Variants in LIMD1 observed in about 807,000 individuals in gnomAD.
LIMD1 encodes LIM domain-containing protein 1.
Under a neutral mutation model 58.4 loss-of-function variants are expected in LIMD1, and 23 were observed. The observed-to-expected ratio is 0.39, with a 90% CI of 0.28 to 0.56. The LOEUF is 0.56. Among genes scored for constraint, LIMD1 ranks in the 20% least tolerant of loss-of-function variants. LIMD1 has a pLI of 0.57. For synonymous variants in LIMD1, 334 were observed against 345.5 expected, an observed-to-expected ratio of 0.97 and a Z score of 0.37; for missense variants, 838 against 855.5, an observed-to-expected ratio of 0.98 and a Z score of 0.25.
intron 2 of LIMD1, among the ~76,000 whole-genome samples, chr3:45,664,958 G>A (rs1697492741): frequency 6.6e-6 from 1 of 152,154 alleles, no homozygotes; most frequent in South Asian, 2.1e-4. Context: ...GACACCCTCT[G>A]CTGACCTTGA....
intron 2 of LIMD1, among the ~76,000 whole-genome samples, chr3:45,639,860 T>C (rs934191827): frequency 2.6e-5 from 4 of 152,106 alleles, no homozygotes; most frequent in Admixed American, 2.0e-4. Flanking sequence ...ACAGGGTTTC[T>C]TCATGTTGGT....
chr3:45,677,176 T>A lies in LIMD1; in HGVS notation c.*117T>A. 1 of 1,175,908 alleles carries A rather than the reference T, an allele frequency of 8.5e-7. No homozygotes were observed. The highest frequency in any genetic ancestry group is 1.2e-6 in the Non-Finnish European group (1 of 825,826). 72.8% of individuals were successfully genotyped at this position (1,175,908 alleles called of 1,614,324 possible). On this transcript the variant is annotated 3_prime_UTR_variant, in exon 8 of 8. Coordinates refer to ENST00000273317, the MANE Select transcript of LIMD1 (RefSeq NM_014240.3). ...GGAAGAGGAGGGGCAGGAGGGAGAG[T>A]TCCTGTGAGCATGTGGGGGGTGCCT...
chr3:45,681,627 C>G lies in LIMD1; in HGVS notation c.*4568C>G, dbSNP rs1256694036. The G allele has an allele frequency of 6.6e-6, 1 of 152,226 alleles. No individual in the cohort carries two copies. Among genetic ancestry groups the G allele is most frequent in the Non-Finnish European group, 1.5e-5 (1 of 68,036 alleles). 9.4% of individuals were successfully genotyped at this position (152,226 alleles called of 1,614,324 possible). A position where few individuals can be genotyped will look rare whatever the true frequency, so the allele number is the denominator to read the frequency against. ...GAGGAACCCCCATGCTTAGGGGACCCTGGTATTTGATAATGGGCAGTAAGC... is the reference window on the plus strand; with the variant it reads ...GAGGAACCCCCATGCTTAGGGGACCGTGGTATTTGATAATGGGCAGTAAGC... On this transcript the variant is annotated 3_prime_UTR_variant, in exon 8 of 8. Coordinates refer to ENST00000273317, the MANE Select transcript of LIMD1 (RefSeq NM_014240.3).
intron 3 of LIMD1, among the ~76,000 whole-genome samples, chr3:45,667,368 T>C (rs530261084): frequency 1.2e-4 from 19 of 152,220 alleles, no homozygotes; most frequent in Admixed American, 3.3e-4. Context: ...GGGCTGGATC[T>C]CAAATGAAAA....
chr3:45,671,047 T>C (rs1697580638), intron 4 of LIMD1, among the ~76,000 whole-genome samples: 1 of 152,206 alleles, frequency 6.6e-6, no homozygotes, highest in African/African-American at 2.4e-5. Flanking sequence ...TTTAAGGATC[T>C]CTTTCTGCCA....
chr3:45,607,453 C>T (rs542591625), intron 1 of LIMD1, among the ~76,000 whole-genome samples: 2 of 152,028 alleles, frequency 1.3e-5, no homozygotes, highest in South Asian at 2.1e-4. Flanking sequence ...GCTGTGTCCC[C>T]GGGGAGTGAG....
chr3:45,632,866 G>A (rs1321448358), intron 1 of LIMD1, among the ~76,000 whole-genome samples: 1 of 152,138 alleles, frequency 6.6e-6, no homozygotes, highest in Non-Finnish European at 1.5e-5. Context: ...CAGCAGCCGC[G>A]ACACCACTGC....
At chr3:45,653,786 T>C (rs1575360867) in intron 2 of LIMD1, among the ~76,000 whole-genome samples, 1 of 151,650 alleles carries the variant, frequency 6.6e-6, no homozygotes, top group East Asian at 1.9e-4. Context: ...GGTGCATGCC[T>C]GTAGTCCCAG....
chr3:45,614,093 T>A (rs1701554241), intron 1 of LIMD1, among the ~76,000 whole-genome samples: 1 of 152,202 alleles, frequency 6.6e-6, no homozygotes, highest in African/African-American at 2.4e-5. Context: ...TAAAATATTA[T>A]CTTCACAAGA....
rs1701318210 is a variant in LIMD1 at position 45,594,801 on chromosome 3, A to ACACAC, written c.-78_-74dup. 5.8e-6 allele frequency: 1 copy of ACACAC among 171,292 alleles called. No individual in the cohort carries two copies. The highest frequency in any genetic ancestry group is 3.8e-5 in the African/African-American group (1 of 26,374). 10.6% of individuals were successfully genotyped at this position (171,292 alleles called of 1,614,324 possible). On this transcript the variant is annotated 5_prime_UTR_variant, in exon 1 of 8. Coordinates refer to ENST00000273317, the MANE Select transcript of LIMD1 (RefSeq NM_014240.3). ...TCAACACACACACACACACACACACACACACACACACACACACACACACAC... is the reference window on the plus strand; with the variant it reads ...TCAACACACACACACACACACACACACACACCACACACACACACACACACACACAC...
chr3:45,628,624 C>T (rs1182102372), intron 1 of LIMD1, among the ~76,000 whole-genome samples: 1 of 152,196 alleles, frequency 6.6e-6, no homozygotes, highest in Non-Finnish European at 1.5e-5. Context: ...GTTAATCATC[C>T]ACCTACCATA....
chr3:45,637,501 G>T (rs1410120045), intron 2 of LIMD1, among the ~76,000 whole-genome samples: 1 of 152,072 alleles, frequency 6.6e-6, no homozygotes, highest in Admixed American at 6.5e-5. Flanking sequence ...GGATTGTCTC[G>T]ATCTCTTGAC....
intron 2 of LIMD1, among the ~76,000 whole-genome samples, chr3:45,645,521 G>A (rs1701891171): frequency 6.6e-6 from 1 of 152,196 alleles, no homozygotes; most frequent in African/African-American, 2.4e-5. Flanking sequence ...GACCAAGGGT[G>A]ATACTTGGCG....
intron 2 of LIMD1, among the ~76,000 whole-genome samples, chr3:45,661,031 G>T (rs946432446): frequency 6.6e-6 from 1 of 152,106 alleles, no homozygotes; most frequent in Non-Finnish European, 1.5e-5. Flanking sequence ...CAAGGATGGG[G>T]ACCTTCTAGA....
intron 1 of LIMD1, among the ~76,000 whole-genome samples, chr3:45,611,766 G>A (rs777964072): frequency 1.8e-4 from 27 of 152,294 alleles, no homozygotes; most frequent in Admixed American, 5.9e-4. Context: ...CTTGCAGGTG[G>A]CAGGGACTTA....
chr3:45,654,829 A>AG (rs1356185414), intron 2 of LIMD1, among the ~76,000 whole-genome samples: 126 of 145,772 alleles, frequency 8.6e-4, no homozygotes, highest in South Asian at 6.2e-3. Context: ...AAAAAAAAAA[A>AG]AAAAAGAAAA....
intron 7 of LIMD1, 149 bp from the exon 8 acceptor site, chr3:45,676,773 A>T: frequency 1.3e-6 from 1 of 758,314 alleles, no homozygotes. Flanking sequence ...ACAGGCCTCC[A>T]CGGGGCAGGA....
intron 1 of LIMD1, among the ~76,000 whole-genome samples, chr3:45,610,221 T>C (rs1202326749): frequency 6.6e-6 from 1 of 152,144 alleles, no homozygotes; most frequent in Admixed American, 6.5e-5. Context: ...ATGTGTACAC[T>C]CTGGCCAGAT....
chr3:45,604,484 CTG>C (rs1446004583), intron 1 of LIMD1, among the ~76,000 whole-genome samples: 1 of 152,212 alleles, frequency 6.6e-6, no homozygotes, highest in Non-Finnish European at 1.5e-5. Flanking sequence ...TCAGGTCACA[CTG>C]TGTTCTCAGC....
Sources: allele counts gnomAD v4.1 joint callset (sites outside exome capture counted in the v4.1 genomes callset), GRCh38; gene constraint gnomAD v4.1.1; transcripts MANE v1.5; gene names NCBI Gene and HGNC (gene_info 2026-07-23, HGNC 2026-07-21).